Variants in SAMMSON observed in about 807,000 individuals in gnomAD.
The protein encoded by SAMMSON is survival associated mitochondrial melanoma specific oncogenic non-coding RNA, also known as long intergenic non-protein coding RNA 1212.
chr3:70,053,894 C>G (rs935544937), intron 3 of SAMMSON, among the ~76,000 whole-genome samples: 1 of 152,066 alleles, frequency 6.6e-6, no homozygotes, highest in Non-Finnish European at 1.5e-5. Flanking sequence ...TCCATTAATA[C>G]TAGAATGCAC....
At chr3:70,029,146 A>T (rs929169685) in intron 3 of SAMMSON, among the ~76,000 whole-genome samples, 2 of 152,204 alleles carry the variant, frequency 1.3e-5, no homozygotes, top group East Asian at 1.9e-4. Flanking sequence ...CATAGACTGG[A>T]CTTGAAAATA....
Position 70,341,602 on chromosome 3 carries a change from A to G in SAMMSON, n.740-12573A>G, listed in dbSNP as rs138161646. Among the ~76,000 whole-genome samples, 125 of 152,234 alleles carry G rather than the reference A, an allele frequency of 8.2e-4. 2 individuals carry two copies. Among genetic ancestry groups the G allele is most frequent in the African/African-American group, 3.0e-3 (123 of 41,534 alleles). The stretch of plus-strand genomic sequence containing the variant: ...TGATAGGGAGTATTTTCCTTCTTAT[A>G]TAAGAAGACAAAACCTCAAGAGGCA... On this transcript the variant is annotated intron_variant and non_coding_transcript_variant, in intron 7 of 9. Coordinates refer to ENST00000642114, the Ensembl canonical transcript of SAMMSON.
At chr3:70,361,333 T>C (rs1421503375) in intron 9 of SAMMSON, among the ~76,000 whole-genome samples, 2 of 152,190 alleles carry the variant, frequency 1.3e-5, no homozygotes, top group Non-Finnish European at 2.9e-5. Context: ...CCGACATTTC[T>C]AGATTACCAA....
At chr3:70,324,132 G>GT (rs1295378606) in intron 7 of SAMMSON, among the ~76,000 whole-genome samples, 1 of 151,900 alleles carries the variant, frequency 6.6e-6, no homozygotes, top group Non-Finnish European at 1.5e-5. Flanking sequence ...TCAAATCCCT[G>GT]TAACAGACCC....
intron 2 of SAMMSON, among the ~76,000 whole-genome samples, chr3:70,419,185 T>C (rs927018850): frequency 2.6e-5 from 4 of 151,764 alleles, no homozygotes; most frequent in African/African-American, 9.7e-5. Context: ...CCACCACGCA[T>C]GGCTAATTAT....
intron 4 of SAMMSON, among the ~76,000 whole-genome samples, chr3:70,155,870 T>C (rs1303223092): frequency 6.6e-6 from 1 of 152,092 alleles, no homozygotes; most frequent in Non-Finnish European, 1.5e-5. Flanking sequence ...TAATAGGTGT[T>C]AGAGCTCCTC....
intron 6 of SAMMSON, among the ~76,000 whole-genome samples, chr3:70,252,970 C>G (rs1339720103): frequency 2.6e-5 from 4 of 151,866 alleles, no homozygotes; most frequent in Non-Finnish European, 5.9e-5. Flanking sequence ...ATTCCAGCTA[C>G]TAGGGAGGCT....
intron 7 of SAMMSON, among the ~76,000 whole-genome samples, chr3:70,316,944 T>G (rs1702498549): frequency 1.3e-5 from 2 of 152,064 alleles, no homozygotes; most frequent in Non-Finnish European, 2.9e-5. Flanking sequence ...TGGCTGGCAT[T>G]GAGAAATCGT....
intron 4 of SAMMSON, among the ~76,000 whole-genome samples, chr3:70,189,102 G>A (rs1701112290): frequency 6.6e-6 from 1 of 152,058 alleles, no homozygotes; most frequent in African/African-American, 2.4e-5. Flanking sequence ...CTTCTAAGAT[G>A]GTTTTAAACT....
chr3:70,313,882 A>G (rs1345744320), intron 7 of SAMMSON, among the ~76,000 whole-genome samples: 1 of 152,204 alleles, frequency 6.6e-6, no homozygotes, highest in East Asian at 1.9e-4. Flanking sequence ...GTCAGATTCT[A>G]TACCACAGTT....
intron 4 of SAMMSON, among the ~76,000 whole-genome samples, chr3:70,206,278 C>A (rs1701290156): frequency 6.6e-6 from 1 of 151,898 alleles, no homozygotes; most frequent in Non-Finnish European, 1.5e-5. Flanking sequence ...AAGAAGTTTG[C>A]CATTTTTCTT....
intron 4 of SAMMSON, among the ~76,000 whole-genome samples, chr3:70,134,950 G>A (rs181042819): frequency 1.2e-4 from 19 of 152,248 alleles, no homozygotes; most frequent in Admixed American, 9.2e-4. Context: ...AGTACATTTT[G>A]CCATAAAATG....
intron 4 of SAMMSON, among the ~76,000 whole-genome samples, chr3:70,246,166 A>C (rs1701706919): frequency 6.6e-6 from 1 of 152,024 alleles, no homozygotes. Context: ...TAAAAGCATA[A>C]AGTATTGACA....
At chr3:70,428,771 TG>T (rs987194993) in intron 2 of SAMMSON, among the ~76,000 whole-genome samples, 2 of 152,212 alleles carry the variant, frequency 1.3e-5, no homozygotes, top group Non-Finnish European at 1.5e-5. Flanking sequence ...TGTACTTGAT[TG>T]TTTTTTATTG....
chr3:70,382,173 T>C (rs1703074768), intron 9 of SAMMSON, among the ~76,000 whole-genome samples: 1 of 152,186 alleles, frequency 6.6e-6, no homozygotes, highest in African/African-American at 2.4e-5. Flanking sequence ...AGTTTCTTAT[T>C]TAAGCACTTT....
intron 3 of SAMMSON, among the ~76,000 whole-genome samples, chr3:70,053,415 C>CT (rs1392225484): frequency 6.6e-6 from 1 of 152,094 alleles, no homozygotes; most frequent in African/African-American, 2.4e-5. Flanking sequence ...GGCAATTGAA[C>CT]TAACACATAG....
intron 3 of SAMMSON, among the ~76,000 whole-genome samples, chr3:70,018,423 G>A (rs1192020274): frequency 6.6e-6 from 1 of 152,072 alleles, no homozygotes; most frequent in African/African-American, 2.4e-5. Context: ...GATCGGTGGT[G>A]ATATCCCCTG....
chr3:70,181,726 G>T (rs1701054685), intron 4 of SAMMSON, among the ~76,000 whole-genome samples: 1 of 152,128 alleles, frequency 6.6e-6, no homozygotes, highest in African/African-American at 2.4e-5. Flanking sequence ...ATTTCAAATT[G>T]ACTTTCTCAT....
intron 4 of SAMMSON, among the ~76,000 whole-genome samples, chr3:70,177,619 T>G (rs1701017726): frequency 6.6e-6 from 1 of 152,204 alleles, no homozygotes; most frequent in Admixed American, 6.5e-5. Context: ...CTCATATTAA[T>G]AATACTAAAA....
Sources: gnomAD v4.1 joint callset for allele counts (sites outside exome capture counted in the v4.1 genomes callset) on GRCh38, gnomAD v4.1.1 for gene constraint, MANE v1.5 for transcripts, NCBI Gene and HGNC (gene_info 2026-07-23, HGNC 2026-07-21) for gene names.